The following RBKS variants were observed in gnomAD, a reference collection of about 807,000 sequenced individuals.
The protein encoded by RBKS is ribokinase.
RBKS carries 33 observed loss-of-function variants against 33.9 expected under a neutral mutation model. The observed-to-expected ratio is 0.97, with a 90% CI of 0.74 to 1.30. The LOEUF (loss-of-function observed/expected upper bound fraction) is 1.30, where lower values mean the gene tolerates loss of function less well. RBKS is among the 50% of genes most tolerant of loss of function. RBKS has a pLI of 0.00. For synonymous variants in RBKS, 125 were observed against 143.0 expected (o/e 0.87, Z 0.90); for missense variants, 361 against 392.6 (o/e 0.92, Z 0.68).
intron 6 of RBKS, among the ~76,000 whole-genome samples, chr2:27,828,939 C>T (rs1678370659): frequency 1.3e-5 from 2 of 152,150 alleles, no homozygotes; most frequent in Admixed American, 1.3e-4. Flanking sequence ...ATTACTCCAG[C>T]TGGAGTGCTG....
intron 7 of RBKS, among the ~76,000 whole-genome samples, chr2:27,789,933 A>G (rs1573031880): frequency 7.5e-6 from 1 of 133,478 alleles, no homozygotes; most frequent in South Asian, 2.3e-4. Context: ...GTGTATATAT[A>G]TATATATGTA....
chr2:27,808,176 T>A (rs192716386), intron 7 of RBKS, among the ~76,000 whole-genome samples: 118 of 152,352 alleles, frequency 7.7e-4, no homozygotes, highest in African/African-American at 2.7e-3. Context: ...AAGGTGGGGC[T>A]AAGATATGCT....
intron 5 of RBKS, among the ~76,000 whole-genome samples, chr2:27,839,077 T>C (rs1663404730): frequency 6.6e-6 from 1 of 152,166 alleles, no homozygotes; most frequent in Admixed American, 6.6e-5. Context: ...TGTGAGCATG[T>C]TGGGACACTC....
intron 7 of RBKS, chr2:27,809,946 G>A (rs887899332): frequency 1.5e-6 from 2 of 1,303,900 alleles, no homozygotes; most frequent in Non-Finnish European, 2.0e-6. Context: ...CACAAAATCA[G>A]TAGGCAGTTG....
intron 5 of RBKS, among the ~76,000 whole-genome samples, chr2:27,835,094 G>A (rs1315553040): frequency 2.0e-5 from 3 of 151,988 alleles, no homozygotes; most frequent in African/African-American, 4.8e-5. Context: ...TGACCAACAT[G>A]GTGAAACTCT....
intron 1 of RBKS, among the ~76,000 whole-genome samples, chr2:27,867,589 A>G (rs1001954400): frequency 1.1e-4 from 17 of 152,294 alleles, no homozygotes; most frequent in African/African-American, 4.1e-4. Context: ...GAGGCTTATC[A>G]CTCAAAATAT....
At chr2:27,855,877 A>G (rs1663848680) in intron 2 of RBKS, among the ~76,000 whole-genome samples, 1 of 152,196 alleles carries the variant, frequency 6.6e-6, no homozygotes, top group South Asian at 2.1e-4. Flanking sequence ...AGCAAGAGGT[A>G]AATAAATCTT....
intron 7 of RBKS, among the ~76,000 whole-genome samples, chr2:27,804,589 G>A (rs1677860767): frequency 6.6e-6 from 1 of 152,200 alleles, no homozygotes; most frequent in Non-Finnish European, 1.5e-5. Flanking sequence ...CACTTTGTGC[G>A]AAAAGTGAAG....
chr2:27,853,499 A>G (rs1663791801), intron 2 of RBKS, among the ~76,000 whole-genome samples: 1 of 152,050 alleles, frequency 6.6e-6, no homozygotes, highest in African/African-American at 2.4e-5. Flanking sequence ...TCTACAAAAA[A>G]TACAAAAATT....
At chr2:27,784,821 G>A (rs1007857594) in intron 7 of RBKS, among the ~76,000 whole-genome samples, 1 of 152,150 alleles carries the variant, frequency 6.6e-6, no homozygotes, top group African/African-American at 2.4e-5. Context: ...AATGTGTTAG[G>A]CCCTATGCTA....
chr2:27,800,905 C>G (rs1391319919), intron 7 of RBKS, among the ~76,000 whole-genome samples: 2 of 152,114 alleles, frequency 1.3e-5, no homozygotes, highest in African/African-American at 2.4e-5. Context: ...ATTCCCCATG[C>G]TTTCATTTGG....
chr2:27,821,636 A>G (rs1678212448), intron 7 of RBKS, among the ~76,000 whole-genome samples: 1 of 152,176 alleles, frequency 6.6e-6, no homozygotes, highest in South Asian at 2.1e-4. Context: ...CACAAGTAGG[A>G]AAAGCCCCAA....
At chr2:27,854,179 A>G (rs1663806070) in intron 2 of RBKS, among the ~76,000 whole-genome samples, 1 of 152,248 alleles carries the variant, frequency 6.6e-6, no homozygotes, top group East Asian at 1.9e-4. Context: ...AACAAAAAAG[A>G]GTCATACAAA....
At chr2:27,792,007 G>A (rs1677536224) in intron 7 of RBKS, among the ~76,000 whole-genome samples, 2 of 152,164 alleles carry the variant, frequency 1.3e-5, no homozygotes, top group Non-Finnish European at 2.9e-5. Flanking sequence ...AGAAGGCAGA[G>A]GGGTGGGTAT....
intron 7 of RBKS, among the ~76,000 whole-genome samples, chr2:27,826,969 T>A (rs1678324653): frequency 6.6e-6 from 1 of 151,184 alleles, no homozygotes; most frequent in Non-Finnish European, 1.5e-5. Flanking sequence ...GAAATAATAC[T>A]TGTCTCACAG....
intron 1 of RBKS, among the ~76,000 whole-genome samples, chr2:27,887,502 A>C (rs912801428): frequency 1.3e-5 from 2 of 152,210 alleles, no homozygotes; most frequent in Non-Finnish European, 2.9e-5. Context: ...AGTTGCACCC[A>C]AGTTTATCAC....
intron 7 of RBKS, among the ~76,000 whole-genome samples, chr2:27,793,874 G>C (rs1192644621): frequency 6.6e-6 from 1 of 152,092 alleles, no homozygotes; most frequent in Non-Finnish European, 1.5e-5. Context: ...GGATGATATT[G>C]ATGTATTTTG....
chr2:27,864,343 A>G (rs1311300451), intron 1 of RBKS, among the ~76,000 whole-genome samples: 4 of 152,222 alleles, frequency 2.6e-5, no homozygotes, highest in African/African-American at 4.8e-5. Flanking sequence ...GTCTGCGACT[A>G]AAATGTCATT....
intron 7 of RBKS, among the ~76,000 whole-genome samples, chr2:27,821,719 C>A (rs974261261): frequency 6.6e-6 from 1 of 152,204 alleles, no homozygotes; most frequent in African/African-American, 2.4e-5. Flanking sequence ...TCCAAAGGCA[C>A]TTTGAGTAGT....
Sources: allele counts gnomAD v4.1 joint callset (sites outside exome capture counted in the v4.1 genomes callset), GRCh38; gene constraint gnomAD v4.1.1; transcripts MANE v1.5; gene names NCBI Gene and HGNC (gene_info 2026-07-23, HGNC 2026-07-21).